Variants in ZPBP observed in about 807,000 individuals in gnomAD.
ZPBP encodes zona pellucida binding protein, also known as zona pellucida-binding protein 1.
ZPBP carries 26 observed loss-of-function variants against 44.8 expected under a neutral mutation model. The observed-to-expected ratio is 0.58, with a 90% CI of 0.43 to 0.81. The LOEUF is 0.81. ZPBP is among the 30% of genes least tolerant of loss of function. ZPBP has a pLI of 0.00. For synonymous variants in ZPBP, 174 were observed against 153.2 expected (o/e 1.14, Z -1.00); for missense variants, 409 against 434.0 (o/e 0.94, Z 0.51).
intron 1 of ZPBP, chr7:49,912,100 C>T (rs866483226): frequency 1.2e-6 from 2 of 1,613,972 alleles, no homozygotes; most frequent in East Asian, 2.2e-5. Flanking sequence ...GACGAGTGCA[C>T]CATATGCCAC....
At chr7:49,933,095 T>C (rs573901452), downstream of ZPBP, among the ~76,000 whole-genome samples, 5 of 152,288 alleles carry the variant, frequency 3.3e-5, no homozygotes, top group Non-Finnish European at 5.9e-5. Context: ...TGCTGAAATG[T>C]ATGAAATATT....
chr7:49,913,872 A>T (rs1793588620), intron 1 of ZPBP: 1 of 152,248 alleles, frequency 6.6e-6, no homozygotes, highest in South Asian at 2.1e-4. Context: ...CTTAGTAAGT[A>T]TAAAGATGCC....
intron 4 of ZPBP, among the ~76,000 whole-genome samples, chr7:50,051,740 A>C (rs921145773): frequency 1.3e-5 from 2 of 152,132 alleles, no homozygotes; most frequent in Non-Finnish European, 1.5e-5. Flanking sequence ...ATTCTCACTT[A>C]TAAGTGGGAG....
Position 49,977,386 on chromosome 7 carries a change from TCAAAA to T in ZPBP, c.961+5951_961+5955del, listed in dbSNP as rs368363493. ...TTGTCTCTGATCCTCTGATGTAAAATCAAAACAAGGGTTCAGGGATGCAAGTCTTT... is the reference window on the plus strand; with the variant it reads ...TTGTCTCTGATCCTCTGATGTAAAATCAAGGGTTCAGGGATGCAAGTCTTT... On this transcript the variant is annotated intron_variant, in intron 7 of 7. Coordinates refer to ENST00000046087, the MANE Select transcript of ZPBP (RefSeq NM_007009.3). 3.3e-3 allele frequency among the ~76,000 whole-genome samples: 507 copies of T among 152,178 alleles called. 1 individual carries two copies. The highest frequency in any genetic ancestry group is 0.011 in the African/African-American group (468 of 41,538).
intron 4 of ZPBP, among the ~76,000 whole-genome samples, chr7:50,050,301 C>G (rs1351736223): frequency 1.3e-5 from 2 of 152,002 alleles, no homozygotes; most frequent in African/African-American, 4.8e-5. Context: ...AAAGACTATT[C>G]TTGAAAACTA....
chr7:50,089,637 CTTG>C lies in ZPBP; in HGVS notation c.197_199del (p.Thr66del), dbSNP rs749899621. 4.4e-6 allele frequency: 7 copies of C among 1,607,888 alleles called. No homozygotes were observed. Among genetic ancestry groups the C allele is most frequent in the Non-Finnish European group, 5.1e-6 (6 of 1,176,520 alleles). On this transcript the variant is annotated inframe_deletion, in exon 2 of 8. Transcript: ENST00000046087. ...AATATATTTATGAATACCTGGAAAA[CTTG>C]TTGATCCCACTATTTTCACTGAATC...
At chr7:49,966,531 C>CA (rs1796069833) in intron 7 of ZPBP, among the ~76,000 whole-genome samples, 1 of 152,096 alleles carries the variant, frequency 6.6e-6, no homozygotes, top group African/African-American at 2.4e-5. Flanking sequence ...TTCCATAAAA[C>CA]AGAAATCTCG....
At chr7:50,010,558 A>G (rs1371745266) in intron 6 of ZPBP, among the ~76,000 whole-genome samples, 1 of 152,168 alleles carries the variant, frequency 6.6e-6, no homozygotes, top group Non-Finnish European at 1.5e-5. Flanking sequence ...TACGCCACCA[A>G]CGACCAAACT....
At chr7:49,913,759 G>A (rs1583827422) in intron 1 of ZPBP, 1 of 151,894 alleles carries the variant, frequency 6.6e-6, no homozygotes, top group Non-Finnish European at 1.5e-5. Flanking sequence ...TGGAGAACAT[G>A]AAAAAATCAT....
the ZPBP span, among the ~76,000 whole-genome samples, chr7:49,844,304 A>G: frequency 6.6e-6 from 1 of 152,178 alleles, no homozygotes; most frequent in African/African-American, 2.4e-5. Flanking sequence ...AATTTAAAAC[A>G]CTGCAGTATT....
intron 1 of ZPBP, chr7:49,917,530 T>C (rs909669764): frequency 5.9e-5 from 9 of 152,196 alleles, no homozygotes; most frequent in African/African-American, 2.2e-4. Context: ...GCTGACCTAT[T>C]ATATAGGCAC....
intron 6 of ZPBP, among the ~76,000 whole-genome samples, chr7:50,004,509 C>A (rs2128796662): frequency 6.6e-6 from 1 of 152,182 alleles, no homozygotes; most frequent in Non-Finnish European, 1.5e-5. Flanking sequence ...TTCTGTGAGC[C>A]AATCTTCCCT....
At chr7:49,948,514 T>G (rs1421142351) in intron 7 of ZPBP, among the ~76,000 whole-genome samples, 1 of 152,000 alleles carries the variant, frequency 6.6e-6, no homozygotes, top group Non-Finnish European at 1.5e-5. Context: ...AATTTTAAAC[T>G]CCTATAATTC....
rs889671003 is a variant in ZPBP at position 50,059,818 on chromosome 7, GC to G, written c.335-1678del. ...AGTAGTATACAATCTGTAATAAAAT[GC>G]CCCCTGACTGCCTTCTTATTTAAAA... On this transcript the variant is annotated intron_variant, in intron 3 of 7. Transcript: ENST00000046087. 1.9e-4 allele frequency among the ~76,000 whole-genome samples: 29 copies of G among 152,028 alleles called. 1 individual carries two copies. Among genetic ancestry groups the G allele is most frequent in the Admixed American group, 4.6e-4 (7 of 15,264 alleles).
rs573607935 is a variant in ZPBP at position 50,046,896 on chromosome 7, A to T, written c.487+11093T>A. Among the ~76,000 whole-genome samples, 11 of 152,326 alleles carry T rather than the reference A, an allele frequency of 7.2e-5. No individual in the cohort carries two copies. The South Asian group carries it at 2.3e-3, about 32-fold the overall frequency. On this transcript the variant is annotated intron_variant, in intron 4 of 7. Coordinates refer to ENST00000046087, the MANE Select transcript of ZPBP (RefSeq NM_007009.3). ...AATAGCAAAGACTTAGAACCAACCC[A>T]AATGACCATCAATGATAGGCTAGAT...
intron 4 of ZPBP, among the ~76,000 whole-genome samples, chr7:50,047,596 A>G (rs1165429203): frequency 6.6e-6 from 1 of 151,264 alleles, no homozygotes; most frequent in African/African-American, 2.4e-5. Context: ...CTAAAACTAG[A>G]CTCACAGAAT....
At chr7:49,890,437 G>A (rs1792078601) in intron 2 of ZPBP, among the ~76,000 whole-genome samples, 1 of 152,146 alleles carries the variant, frequency 6.6e-6, no homozygotes, top group Non-Finnish European at 1.5e-5. Flanking sequence ...TACATAATAT[G>A]CTGTTTGACT....
At chr7:49,952,229 C>T (rs537840388) in intron 7 of ZPBP, among the ~76,000 whole-genome samples, 1 of 151,878 alleles carries the variant, frequency 6.6e-6, no homozygotes, top group African/African-American at 2.4e-5. Flanking sequence ...TGAATTTCAA[C>T]TCAATTAAAA....
intron 7 of ZPBP, among the ~76,000 whole-genome samples, chr7:49,949,517 A>G (rs1795241876): frequency 6.6e-6 from 1 of 152,136 alleles, no homozygotes; most frequent in Non-Finnish European, 1.5e-5. Flanking sequence ...TAAGTGAAAT[A>G]AGCCAGTCAT....
Sources: gnomAD v4.1 joint callset for allele counts (sites outside exome capture counted in the v4.1 genomes callset) on GRCh38, gnomAD v4.1.1 for gene constraint, MANE v1.5 for transcripts, NCBI Gene and HGNC (gene_info 2026-07-23, HGNC 2026-07-21) for gene names.